The following BANK1 variants were observed in gnomAD, a reference collection of about 807,000 sequenced individuals.
BANK1 encodes B cell scaffold protein with ankyrin repeats 1.
In BANK1, 95 loss-of-function variants were observed where a neutral mutation model predicts 94.5. The observed-to-expected ratio is 1.00, with a 90% CI of 0.85 to 1.19. BANK1 has a LOEUF of 1.19. Ranked by LOEUF, BANK1 falls within the 50% of genes most tolerant of loss-of-function variation. BANK1 has a pLI of 0.00. For missense variants in BANK1, 987 were observed against 932.2 expected, an observed-to-expected ratio of 1.06 and a Z score of -0.77; for synonymous variants, 334 against 308.4, an observed-to-expected ratio of 1.08 and a Z score of -0.87.
rs190353941 is a variant in BANK1, at chr4:101,901,800, G to A, written c.1009+6390G>A. On this transcript the variant is annotated intron_variant, in intron 6 of 16. Coordinates refer to ENST00000322953, the MANE Select transcript of BANK1 (RefSeq NM_017935.5). Reference sequence around the variant, plus strand: ...TTTTGAAACAGAGTCTTGCTCTGTCGCCCAGGCTGGAGTGCAGTGGTGCAA... The same window carrying A: ...TTTTGAAACAGAGTCTTGCTCTGTCACCCAGGCTGGAGTGCAGTGGTGCAA... Among the ~76,000 whole-genome samples, 889 of 151,368 alleles carry A rather than the reference G, an allele frequency of 5.9e-3. 15 individuals carry two copies. The highest frequency in any genetic ancestry group is 0.02 in the African/African-American group (842 of 41,282).
intron 3 of BANK1, among the ~76,000 whole-genome samples, chr4:101,856,733 T>C (rs950723296): frequency 1.3e-5 from 2 of 152,170 alleles, no homozygotes; most frequent in Non-Finnish European, 2.9e-5. Flanking sequence ...GTTTTTTCAA[T>C]AGGAGAATCA....
intron 1 of BANK1, among the ~76,000 whole-genome samples, chr4:101,821,663 T>A (rs1348018600): frequency 6.6e-6 from 1 of 152,182 alleles, no homozygotes; most frequent in Non-Finnish European, 1.5e-5. Flanking sequence ...TTTGTTTGTT[T>A]GTTTGTTTGC....
chr4:101,932,930 A>C (rs1723405943), intron 7 of BANK1, among the ~76,000 whole-genome samples: 1 of 151,516 alleles, frequency 6.6e-6, no homozygotes, highest in Admixed American at 6.6e-5. Flanking sequence ...GATCTGGCAA[A>C]GGTGTTTATA....
At chr4:101,927,155 C>T (rs1723184267) in intron 7 of BANK1, among the ~76,000 whole-genome samples, 1 of 151,674 alleles carries the variant, frequency 6.6e-6, no homozygotes, top group South Asian at 2.1e-4. Context: ...GGGGAGACCC[C>T]AGGAAACTTA....
Position 102,030,104 on chromosome 4 carries a change from T to C in BANK1, c.1739T>C (p.Phe580Ser), listed in dbSNP as rs2148950582. The stretch of plus-strand genomic sequence containing the variant: ...GAGGAGGAAGAAGACCCATATACTT[T>C]TGCTGAGATTGATGACAGTGAATAT... ...EQEEEEDPYTFAEIDDSEYDM... is the reference protein window; with the variant it reads ...EQEEEEDPYTSAEIDDSEYDM... Residue 580 changes from phenylalanine to serine, a missense_variant, in exon 10 of 17, where the codon TTT becomes TCT. By Grantham distance (155) the Phe-to-Ser change is radical. Transcript: ENST00000322953. 3.1e-6 allele frequency: 5 copies of C among 1,613,942 alleles called. No individual in the cohort carries two copies. In the Admixed American group the frequency reaches 5.0e-5, roughly 16 times the overall value.
chr4:102,052,210 CGTGT>C (rs1218755233), intron 11 of BANK1, among the ~76,000 whole-genome samples: 2 of 150,862 alleles, frequency 1.3e-5, no homozygotes, highest in African/African-American at 4.9e-5. Context: ...CTCCGCCTCC[CGTGT>C]TCATCCGATT....
intron 11 of BANK1, among the ~76,000 whole-genome samples, chr4:102,056,749 T>A (rs999935506): frequency 1.1e-4 from 16 of 152,158 alleles, no homozygotes; most frequent in African/African-American, 3.9e-4. Flanking sequence ...CTCACACCTG[T>A]AATCCCAGCA....
At chr4:102,041,878 G>C (rs1406176311) in intron 10 of BANK1, among the ~76,000 whole-genome samples, 2 of 151,858 alleles carry the variant, frequency 1.3e-5, no homozygotes, top group Non-Finnish European at 2.9e-5. Flanking sequence ...TCAGCAAAAA[G>C]GATTCCAGTA....
chr4:101,863,090 A>G (rs1165064167), intron 4 of BANK1, among the ~76,000 whole-genome samples: 1 of 151,818 alleles, frequency 6.6e-6, no homozygotes, highest in Admixed American at 6.6e-5. Context: ...TTACTCTGAA[A>G]AGCATTTTTT....
At chr4:101,935,543 T>C (rs1039853084) in intron 7 of BANK1, among the ~76,000 whole-genome samples, 3 of 151,504 alleles carry the variant, frequency 2.0e-5, no homozygotes, top group Non-Finnish European at 4.4e-5. Context: ...AGTGGGGGAG[T>C]TAAAAGGAAT....
chr4:101,967,974 C>A (rs1724820035), intron 7 of BANK1, among the ~76,000 whole-genome samples: 1 of 151,932 alleles, frequency 6.6e-6, no homozygotes, highest in Non-Finnish European at 1.5e-5. Flanking sequence ...AAACTCTGAC[C>A]AAGTCTTGGC....
chr4:101,868,738 T>A (rs1728168024), intron 4 of BANK1, among the ~76,000 whole-genome samples: 1 of 152,024 alleles, frequency 6.6e-6, no homozygotes, highest in South Asian at 2.1e-4. Context: ...AGTTAAATAA[T>A]GTGGAAGCAG....
At chr4:101,969,352 G>C (rs1312819663) in intron 7 of BANK1, among the ~76,000 whole-genome samples, 1 of 152,082 alleles carries the variant, frequency 6.6e-6, no homozygotes, top group Admixed American at 6.6e-5. Context: ...TCTGGCTAAT[G>C]AAAATGCCTA....
chr4:101,798,827 A>G (rs1375991901), intron 1 of BANK1, among the ~76,000 whole-genome samples: 2 of 152,080 alleles, frequency 1.3e-5, no homozygotes, highest in Non-Finnish European at 2.9e-5. Flanking sequence ...TTTCTTGTAA[A>G]TTTGTGTAAG....
intron 10 of BANK1, among the ~76,000 whole-genome samples, chr4:102,036,462 T>C (rs1237949741): frequency 6.6e-6 from 1 of 152,196 alleles, no homozygotes; most frequent in Non-Finnish European, 1.5e-5. Flanking sequence ...TTGAAGTAGG[T>C]CTTAGATCAA....
chr4:101,968,618 C>T (rs771600850), intron 7 of BANK1, among the ~76,000 whole-genome samples: 12 of 151,880 alleles, frequency 7.9e-5, no homozygotes, highest in Non-Finnish European at 1.2e-4. Context: ...GGGCTCTGCT[C>T]CCAGAGAACG....
At chr4:101,920,008 C>T (rs982970332) in intron 7 of BANK1, among the ~76,000 whole-genome samples, 2 of 151,878 alleles carry the variant, frequency 1.3e-5, no homozygotes, top group Non-Finnish European at 2.9e-5. Flanking sequence ...TCAATTTTAT[C>T]TAAAATAAAT....
At chr4:101,941,042 G>T (rs1723726353) in intron 7 of BANK1, among the ~76,000 whole-genome samples, 1 of 151,712 alleles carries the variant, frequency 6.6e-6, no homozygotes, top group African/African-American at 2.4e-5. Context: ...CTTATTTTAT[G>T]CAATCATTTA....
intron 2 of BANK1, among the ~76,000 whole-genome samples, chr4:101,851,778 T>G (rs1044036268): frequency 1.6e-4 from 24 of 152,334 alleles, no homozygotes; most frequent in Admixed American, 1.4e-3. Flanking sequence ...TTCTGTTCCC[T>G]TATTCAGTCC....
Sources: allele counts gnomAD v4.1 joint callset (sites outside exome capture counted in the v4.1 genomes callset), GRCh38; gene constraint gnomAD v4.1.1; transcripts MANE v1.5; gene names NCBI Gene and HGNC (gene_info 2026-07-23, HGNC 2026-07-21).